KCNT2: variants seen among roughly 807,000 people sequenced by gnomAD.
KCNT2 encodes potassium channel subfamily T member 2.
In KCNT2, 67 loss-of-function variants were observed where a neutral mutation model predicts 153.8. That is an observed-to-expected ratio of 0.44 (90% CI 0.36 to 0.53). The LOEUF (loss-of-function observed/expected upper bound fraction) is 0.53, where lower values mean the gene tolerates loss of function less well. Among genes scored for constraint, KCNT2 ranks in the 20% least tolerant of loss-of-function variants. KCNT2 has a pLI of 0.00. For missense variants in KCNT2, 975 were observed against 1,354.8 expected (o/e 0.72, Z 4.40); for synonymous variants, 500 against 458.8 (o/e 1.09, Z -1.15).
intron 1 of KCNT2, among the ~76,000 whole-genome samples, chr1:196,575,249 T>C (rs187712881): frequency 4.8e-4 from 73 of 152,306 alleles, no homozygotes; most frequent in Admixed American, 1.4e-3. Context: ...ACTACCCCCT[T>C]TTAAATTTGG....
At chr1:196,526,949 C>CATT (rs1261365938) in intron 1 of KCNT2, among the ~76,000 whole-genome samples, 1 of 152,162 alleles carries the variant, frequency 6.6e-6, no homozygotes, top group Admixed American at 6.5e-5. Context: ...GTTGAACAAG[C>CATT]ATTACCACCT....
intron 5 of KCNT2, among the ~76,000 whole-genome samples, chr1:196,475,322 A>G (rs1299953764): frequency 6.6e-6 from 1 of 152,166 alleles, no homozygotes; most frequent in Non-Finnish European, 1.5e-5. Flanking sequence ...TTTCTTTAAA[A>G]AATCTAACTT....
chr1:196,462,845 T>C (rs765392554), intron 8 of KCNT2, among the ~76,000 whole-genome samples: 4 of 151,708 alleles, frequency 2.6e-5, no homozygotes, highest in Non-Finnish European at 5.9e-5. Context: ...CAGTCTCCAG[T>C]TGTTTTTTCT....
intron 1 of KCNT2, among the ~76,000 whole-genome samples, chr1:196,511,058 C>T (rs981086786): frequency 6.6e-6 from 1 of 151,342 alleles, no homozygotes; most frequent in Non-Finnish European, 1.5e-5. Flanking sequence ...TTCCCCCCAC[C>T]CTAAAGGAAG....
chr1:196,590,168 G>A (rs952456675), intron 1 of KCNT2, among the ~76,000 whole-genome samples: 1 of 152,082 alleles, frequency 6.6e-6, no homozygotes, highest in African/African-American at 2.4e-5. Context: ...AAATGTTAAA[G>A]CAGACATTGA....
At chr1:196,366,996 T>G (rs772950653) in intron 14 of KCNT2, among the ~76,000 whole-genome samples, 1 of 152,196 alleles carries the variant, frequency 6.6e-6, no homozygotes, top group Non-Finnish European at 1.5e-5. Context: ...ACCATTTCTG[T>G]CTGCCAAAAC....
intron 1 of KCNT2, among the ~76,000 whole-genome samples, chr1:196,500,957 A>T (rs1680650609): frequency 6.6e-6 from 1 of 152,212 alleles, no homozygotes; most frequent in African/African-American, 2.4e-5. Context: ...CACCATGCTC[A>T]ACAATGCTAA....
intron 18 of KCNT2, among the ~76,000 whole-genome samples, chr1:196,330,718 T>G (rs1178997334): frequency 6.6e-6 from 1 of 152,014 alleles, no homozygotes; most frequent in African/African-American, 2.4e-5. Flanking sequence ...GACTCTAATA[T>G]GAGCTTTCAC....
At chr1:196,570,100 T>TAAAAAAAAAAAAAAAAAAA (rs1553256605) in intron 1 of KCNT2, among the ~76,000 whole-genome samples, 32 of 129,522 alleles carry the variant, frequency 2.5e-4, no homozygotes, top group African/African-American at 1.1e-3. Flanking sequence ...AAAAAAAAAT[T>TAAAAAAAAAAAAAAAAAAA]AAAGGCCTTT....
At chr1:196,341,308 T>G in intron 15 of KCNT2, among the ~76,000 whole-genome samples, 1 of 151,990 alleles carries the variant, frequency 6.6e-6, no homozygotes, top group Non-Finnish European at 1.5e-5. Flanking sequence ...GTTAAATATC[T>G]TATGTAATTT....
intron 22 of KCNT2, among the ~76,000 whole-genome samples, chr1:196,291,301 G>C (rs567893881): frequency 6.6e-6 from 1 of 151,346 alleles, no homozygotes; most frequent in South Asian, 2.1e-4. Flanking sequence ...CACTCTGCAT[G>C]TATGATTTCC....
intron 1 of KCNT2, among the ~76,000 whole-genome samples, chr1:196,602,582 A>G (rs949259639): frequency 2.0e-5 from 3 of 152,166 alleles, no homozygotes; most frequent in Admixed American, 6.5e-5. Context: ...CTTTAAAAAT[A>G]AAGTATCAGT....
intron 1 of KCNT2, among the ~76,000 whole-genome samples, chr1:196,561,282 A>G (rs962433647): frequency 6.6e-6 from 1 of 151,448 alleles, no homozygotes; most frequent in East Asian, 2.0e-4. Flanking sequence ...AAGTTTTAGG[A>G]AAAAAAAGAT....
chr1:196,451,407 A>ACTTT (rs1491122191), intron 8 of KCNT2, among the ~76,000 whole-genome samples: 7 of 62,890 alleles, frequency 1.1e-4, no homozygotes, highest in Non-Finnish European at 1.9e-4. Context: ...CACCCAACAC[A>ACTTT]TTTTTTTTTT....
intron 1 of KCNT2, among the ~76,000 whole-genome samples, chr1:196,563,448 A>G (rs1349887020): frequency 2.0e-5 from 2 of 102,002 alleles, no homozygotes; most frequent in African/African-American, 3.8e-5. Context: ...CAAAAAAAAA[A>G]AAGAAAAAAG....
chr1:196,379,565 T>TCTCTCTC (rs1669288330), intron 13 of KCNT2, among the ~76,000 whole-genome samples: 1 of 136,148 alleles, frequency 7.3e-6, no homozygotes, highest in African/African-American at 2.7e-5. Context: ...CAGTGAGACT[T>TCTCTCTC]TCTCTCTCTC....
chr1:196,260,219 G>A (rs1442023571), intron 25 of KCNT2, among the ~76,000 whole-genome samples: 3 of 151,688 alleles, frequency 2.0e-5, no homozygotes, highest in African/African-American at 7.2e-5. Context: ...TAATAATCTT[G>A]CCAAACCAAA....
intron 13 of KCNT2, among the ~76,000 whole-genome samples, chr1:196,376,137 A>C (rs1172508939): frequency 6.6e-6 from 1 of 151,878 alleles, no homozygotes; most frequent in East Asian, 1.9e-4. Context: ...CCAATACATT[A>C]TAATAGCCAA....
At chr1:196,505,038 T>A (rs1361859506) in intron 1 of KCNT2, among the ~76,000 whole-genome samples, 1 of 151,186 alleles carries the variant, frequency 6.6e-6, no homozygotes, top group Non-Finnish European at 1.5e-5. Flanking sequence ...GTAGGTTGCC[T>A]GTTCACTCTG....
Sources: gnomAD v4.1 joint callset for allele counts (sites outside exome capture counted in the v4.1 genomes callset) on GRCh38, gnomAD v4.1.1 for gene constraint, MANE v1.5 for transcripts, NCBI Gene and HGNC (gene_info 2026-07-23, HGNC 2026-07-21) for gene names.